CHMP1A: variants seen among roughly 807,000 people sequenced by gnomAD.
The protein encoded by CHMP1A is charged multivesicular body protein 1A, also known as VPS46 homolog A.
A neutral mutation model predicts 27.0 loss-of-function variants in CHMP1A; 17 were observed. That is an observed-to-expected ratio of 0.63 (90% CI 0.43 to 0.95). CHMP1A has a LOEUF of 0.95. Ranked by LOEUF, CHMP1A falls within the 40% of genes least tolerant of loss-of-function variation. The pLI is 0.00. For synonymous variants in CHMP1A, 131 were observed against 107.5 expected, an observed-to-expected ratio of 1.22 and a Z score of -1.35; for missense variants, 275 against 264.0, an observed-to-expected ratio of 1.04 and a Z score of -0.29.
Position 89,645,702 on chromosome 16 carries a change from CAG to C in CHMP1A, c.*362_*363del. 1 of 394,640 alleles carries C rather than the reference CAG, an allele frequency of 2.5e-6. No individual in the cohort carries two copies. Among genetic ancestry groups the C allele is most frequent in the Non-Finnish European group, 4.6e-6 (1 of 215,990 alleles). 24.4% of individuals were successfully genotyped at this position (394,640 alleles called of 1,614,324 possible). On this transcript the variant is annotated 3_prime_UTR_variant, in exon 7 of 7. Coordinates refer to ENST00000397901, the MANE Select transcript of CHMP1A (RefSeq NM_002768.5). The stretch of plus-strand genomic sequence containing the variant: ...GAGGCCTCAGGGAGTTGTTTGGCAA[CAG>C]GGCAGCCCTGACCCCCTCTGGCTGA...
chr16:89,646,422 C>G, intron 6 of CHMP1A, 105 bp downstream of exon 6: 2 of 1,269,956 alleles, frequency 1.6e-6, no homozygotes, highest in Non-Finnish European at 2.2e-6. Context: ...CTGGTCGGAG[C>G]CTCAGCCCAA....
chr16:89,656,973 G>A (rs1426973202), intron 1 of CHMP1A, among the ~76,000 whole-genome samples: 1 of 151,230 alleles, frequency 6.6e-6, no homozygotes, highest in Non-Finnish European at 1.5e-5. Flanking sequence ...ATGGTTGGGG[G>A]TCAGAGGTCG....
intron 1 of CHMP1A, 55 bp downstream of exon 1, chr16:89,657,527 G>T: frequency 6.2e-7 from 1 of 1,602,890 alleles, no homozygotes; most frequent in South Asian, 1.1e-5. Flanking sequence ...ACGCCAGTGG[G>T]AGAAGCGGCC....
rs953454105 is a variant in CHMP1A, at chr16:89,647,455, C to T, written c.253-124G>A. ...ACCCCAACCCTGACCCACAAAACCC[C>T]AACTCTGGGCTGAGCCATCATCTGG... On this transcript the variant is annotated intron_variant, in intron 4 of 6. Coordinates refer to ENST00000397901, the MANE Select transcript of CHMP1A (RefSeq NM_002768.5). 4.8e-6 allele frequency: 4 copies of T among 836,412 alleles called. No homozygotes were observed. In the Admixed American group the frequency reaches 1.1e-4, roughly 24 times the overall value. The allele number at this position is 836,412 out of a possible 1,614,324, so 51.8% of individuals were successfully genotyped here.
At position 89,657,558 on chromosome 16, in the gene CHMP1A, C is replaced by G. The variant is rs747542634; in HGVS notation, c.7+24G>C. On this transcript the variant is annotated intron_variant, in intron 1 of 6. Coordinates refer to ENST00000397901, the MANE Select transcript of CHMP1A (RefSeq NM_002768.5). The stretch of plus-strand genomic sequence containing the variant: ...CGGCCCCGCCCCGCGCGCGAGTCCC[C>G]GGAGGACGGCCGCGACCTCTTACCG... 7 of 1,609,982 alleles carry G rather than the reference C, an allele frequency of 4.3e-6. No homozygotes were observed. The African/African-American group carries it at 5.4e-5, about 12-fold the overall frequency.
At chr16:89,651,372 A>G (rs923256928) in intron 3 of CHMP1A, among the ~76,000 whole-genome samples, 197 bp downstream of exon 3, 3 of 64,260 alleles carry the variant, frequency 4.7e-5, no homozygotes, top group East Asian at 4.2e-4. Context: ...CTCCGTCTCA[A>G]AAAACAAACA....
chr16:89,653,971 T>A (rs956039230), intron 1 of CHMP1A, 48 bp from the exon 2 acceptor site: 2 of 1,600,070 alleles, frequency 1.2e-6, no homozygotes, highest in African/African-American at 2.7e-5. Flanking sequence ...GAATGGGACG[T>A]TACACTTCTG....
Position 89,649,279 on chromosome 16 carries a change from T to A in CHMP1A, c.252+72A>T. The stretch of plus-strand genomic sequence containing the variant: ...TCCGTCAACTCTGAGCTGCCCCAGA[T>A]CCAGACCGCAGAGCCCATTCCTGCT... On this transcript the variant is annotated intron_variant, in intron 4 of 6. Transcript: ENST00000397901. 3 of 1,532,828 alleles carry A rather than the reference T, an allele frequency of 2.0e-6. No homozygotes were observed. In the South Asian group the frequency reaches 3.4e-5, roughly 18 times the overall value. The allele number at this position is 1,532,828 out of a possible 1,614,324, so 95.0% of individuals were successfully genotyped here.
chr16:89,645,332 CAT>C lies in CHMP1A; in HGVS notation c.*732_*733del, dbSNP rs2059765693. 6.5e-6 allele frequency: 1 copy of C among 153,810 alleles called. No individual in the cohort carries two copies. The highest frequency in any genetic ancestry group is 2.4e-5 in the African/African-American group (1 of 41,592). The allele number at this position is 153,810 out of a possible 1,614,324, so 9.5% of individuals were successfully genotyped here. A position where few individuals can be genotyped will look rare whatever the true frequency, so the allele number is the denominator to read the frequency against. ...TGTCGAGGAGACAAACAGCACAGCACATGTGGCCAAAGGCACCTCCAGAGGCA... is the reference window on the plus strand; with the variant it reads ...TGTCGAGGAGACAAACAGCACAGCACGTGGCCAAAGGCACCTCCAGAGGCA... On this transcript the variant is annotated 3_prime_UTR_variant, in exon 7 of 7. Coordinates refer to ENST00000397901, the MANE Select transcript of CHMP1A (RefSeq NM_002768.5).
Position 89,657,701 on chromosome 16 carries a change from G to C in CHMP1A, c.-113C>G. The stretch of plus-strand genomic sequence containing the variant: ...AAGCTGCACCCGGCGGGGACTTCCG[G>C]GGTCGCCGCCCCACTTCCGGTCGCA... On this transcript the variant is annotated 5_prime_UTR_variant, in exon 1 of 7. Transcript: ENST00000397901. The C allele has an allele frequency of 3.8e-6, 6 of 1,559,696 alleles. No individual in the cohort carries two copies. Among genetic ancestry groups the C allele is most frequent in the Non-Finnish European group, 5.2e-6 (6 of 1,155,210 alleles).
rs970523130 is a variant in CHMP1A, at chr16:89,644,531, C to G, written c.*1535G>C. ...CCCAAGGGGACAGGACTGAGGCAGC[C>G]CCACCTGGCCCATGGCTCTGCAGAG... On this transcript the variant is annotated 3_prime_UTR_variant, in exon 7 of 7. Coordinates refer to ENST00000397901, the MANE Select transcript of CHMP1A (RefSeq NM_002768.5). The G allele has an allele frequency of 6.6e-6, 1 of 152,240 alleles. No individual in the cohort carries two copies. The highest frequency in any genetic ancestry group is 2.4e-5 in the African/African-American group (1 of 41,438). The allele number at this position is 152,240 out of a possible 1,614,324, so 9.4% of individuals were successfully genotyped here. A position where few individuals can be genotyped will look rare whatever the true frequency, so the allele number is the denominator to read the frequency against.
At chr16:89,656,473 C>T (rs572298257) in intron 1 of CHMP1A, among the ~76,000 whole-genome samples, 9 of 152,346 alleles carry the variant, frequency 5.9e-5, no homozygotes, top group African/African-American at 2.2e-4. Flanking sequence ...CCCATCACAC[C>T]AGCCCAACGA....
In CHMP1A at chr16:89,649,489, C is replaced by T. The variant is rs369898047; in HGVS notation, c.114G>A (p.Leu38=). The part of the protein sequence containing the change: ...AEQAKVKKAL[L]QKNVECARVY... The stretch of plus-strand genomic sequence containing the variant: ...CACGGGCACACTCTACATTTTTCTG[C>T]AGAAGGGCCTGAAACCCGCGGGGGA... Residue 38 remains leucine (L), a synonymous_variant, in exon 4 of 7, where the codon CTG becomes CTA. Transcript: ENST00000397901. The T allele has an allele frequency of 1.1e-4, 173 of 1,613,584 alleles. No homozygotes were observed. The highest frequency in any genetic ancestry group is 1.4e-4 in the Non-Finnish European group (167 of 1,179,876).
Position 89,649,516 on chromosome 16 carries a change from A to T in CHMP1A, c.106-19T>A. ...GAAGGGCCTGAAACCCGCGGGGGAA[A>T]GCAGCTGGAAGAGCTTGGTGGTGTG... On this transcript the variant is annotated intron_variant, in intron 3 of 6. Transcript: ENST00000397901. 1 of 1,613,182 alleles carries T rather than the reference A, an allele frequency of 6.2e-7. No homozygotes were observed. Among genetic ancestry groups the T allele is most frequent in the South Asian group, 1.1e-5 (1 of 91,062 alleles).
Position 89,645,532 on chromosome 16 carries a change from A to G in CHMP1A, c.*534T>C. The G allele has an allele frequency of 5.2e-6, 1 of 190,848 alleles. No individual in the cohort carries two copies. Among genetic ancestry groups the G allele is most frequent in the Non-Finnish European group, 1.1e-5 (1 of 91,144 alleles). 11.8% of individuals were successfully genotyped at this position (190,848 alleles called of 1,614,324 possible). A position where few individuals can be genotyped will look rare whatever the true frequency, so the allele number is the denominator to read the frequency against. On this transcript the variant is annotated 3_prime_UTR_variant, in exon 7 of 7. Coordinates refer to ENST00000397901, the MANE Select transcript of CHMP1A (RefSeq NM_002768.5). ...CGGCCGAGACACCACCCCTGGAGTG[A>G]TGGAGGAGGAGGATGTCATTGTAAA...
Position 89,650,791 on chromosome 16 carries a change from G to A in CHMP1A, c.105+778C>T, listed in dbSNP as rs146369728. ...TCTGCACTCCAGCCTGGGCAACAGC[G>A]AGACTCCATCTCAAAAAAAAAAAAG... On this transcript the variant is annotated intron_variant, in intron 3 of 6. Transcript: ENST00000397901. Among the ~76,000 whole-genome samples the A allele has an allele frequency of 4.9e-3, 711 of 145,360 alleles. 4 individuals are homozygous for A. The highest frequency in any genetic ancestry group is 0.016 in the African/African-American group (665 of 40,928).
intron 1 of CHMP1A, among the ~76,000 whole-genome samples, chr16:89,657,027 GC>G (rs1402225245): frequency 2.7e-5 from 4 of 150,906 alleles, no homozygotes; most frequent in African/African-American, 9.7e-5. Context: ...GGGGATGGAG[GC>G]CCCGGGGAAG....
Position 89,647,334 on chromosome 16 carries a change from G to A in CHMP1A, c.253-3C>T, listed in dbSNP as rs1318565738. ...ACCTGGGCCATATTCTTGGTCACCTGAGACAGGAGAGAGCGCAGGAGGGAA... is the reference window on the plus strand; with the variant it reads ...ACCTGGGCCATATTCTTGGTCACCTAAGACAGGAGAGAGCGCAGGAGGGAA... On this transcript the variant is annotated splice_region_variant and splice_polypyrimidine_tract_variant and intron_variant, in intron 4 of 6. Transcript: ENST00000397901. 1.2e-6 allele frequency: 2 copies of A among 1,606,724 alleles called. No homozygotes were observed. Among genetic ancestry groups the A allele is most frequent in the East Asian group, 2.2e-5 (1 of 44,608 alleles).
chr16:89,657,443 G>T, intron 1 of CHMP1A, 139 bp downstream of exon 1: 1 of 1,013,618 alleles, frequency 9.9e-7, no homozygotes, highest in South Asian at 1.5e-5. Flanking sequence ...CCCTGGGGAT[G>T]GGGTCCCGGG....
Sources: gnomAD v4.1 joint callset for allele counts (sites outside exome capture counted in the v4.1 genomes callset) on GRCh38, gnomAD v4.1.1 for gene constraint, MANE v1.5 for transcripts, NCBI Gene and HGNC (gene_info 2026-07-23, HGNC 2026-07-21) for gene names.